The following BCL2 variants were observed in gnomAD, a reference collection of about 807,000 sequenced individuals.
BCL2 encodes the protein apoptosis regulator Bcl-2.
BCL2 carries 1 observed loss-of-function variant against 14.2 expected under a neutral mutation model. That is an observed-to-expected ratio of 0.07 (90% CI 0.02 to 0.33). The LOEUF is 0.33. Ranked by LOEUF, BCL2 falls within the 10% of genes least tolerant of loss-of-function variation. The pLI is 0.99. For missense variants in BCL2, 247 were observed against 305.9 expected (o/e 0.81, Z 1.44); for synonymous variants, 151 against 137.2 (o/e 1.10, Z -0.70).
At chr18:63,319,035 C>A in intron 1 of BCL2, 83 bp from the exon 2 acceptor site, 1 of 1,128,168 alleles carries the variant, frequency 8.9e-7, no homozygotes. Flanking sequence ...GCAGGGCATA[C>A]ACACTACAAG....
chr18:63,163,705 C>A (rs1830603687), intron 2 of BCL2, among the ~76,000 whole-genome samples: 1 of 152,210 alleles, frequency 6.6e-6, no homozygotes, highest in Non-Finnish European at 1.5e-5. Context: ...TGTACAAGCA[C>A]TGATCTAAGC....
chr18:63,221,307 T>C (rs576006816), intron 2 of BCL2, among the ~76,000 whole-genome samples: 1 of 152,256 alleles, frequency 6.6e-6, no homozygotes, highest in Admixed American at 6.5e-5. Context: ...CAAAATTAGA[T>C]GTGAGTGTTC....
intron 2 of BCL2, among the ~76,000 whole-genome samples, chr18:63,163,749 A>G (rs1207930449): frequency 6.6e-6 from 1 of 152,248 alleles, no homozygotes; most frequent in Non-Finnish European, 1.5e-5. Flanking sequence ...TAAACTTCAT[A>G]GTGACTTTAA....
Position 63,155,089 on chromosome 18 carries a change from A to G in BCL2, c.586-26330T>C, listed in dbSNP as rs1200328919. On this transcript the variant is annotated intron_variant, in intron 2 of 2. Coordinates refer to ENST00000333681, the MANE Select transcript of BCL2 (RefSeq NM_000633.3). ...TCTCTGAGCCTCAACTTATTCATCT[A>G]TAAGAATAAGAGGACGCTACAACAT... Among the ~76,000 whole-genome samples the G allele has an allele frequency of 2.6e-5, 4 of 152,218 alleles. No homozygotes were observed. The East Asian group carries it at 5.8e-4, about 22-fold the overall frequency.
intron 2 of BCL2, among the ~76,000 whole-genome samples, chr18:63,268,397 G>C (rs1490343576): frequency 6.6e-6 from 1 of 152,222 alleles, no homozygotes; most frequent in Non-Finnish European, 1.5e-5. Context: ...GTTTAGGCAA[G>C]ATTTCTGGAA....
intron 2 of BCL2, among the ~76,000 whole-genome samples, chr18:63,269,301 T>C (rs2144237000): frequency 6.6e-6 from 1 of 152,270 alleles, no homozygotes; most frequent in South Asian, 2.1e-4. Flanking sequence ...TTTTAAAATA[T>C]GACATGGAAA....
intron 2 of BCL2, among the ~76,000 whole-genome samples, chr18:63,212,306 C>T (rs753100811): frequency 3.1e-4 from 47 of 151,574 alleles, no homozygotes; most frequent in South Asian, 1.5e-3. Context: ...CCAGCCTGGG[C>T]GACAGAGCGA....
chr18:63,237,859 ATTTTAAATAGTTTT>A (rs1309177023), intron 2 of BCL2, among the ~76,000 whole-genome samples: 1 of 152,230 alleles, frequency 6.6e-6, no homozygotes, highest in Non-Finnish European at 1.5e-5. Context: ...TTGGTAATTG[ATTTTAAATAGTTTT>A]TTTTAAAAGA....
chr18:63,153,800 T>C (rs1914709932), intron 2 of BCL2, among the ~76,000 whole-genome samples: 1 of 152,158 alleles, frequency 6.6e-6, no homozygotes, highest in Admixed American at 6.5e-5. Flanking sequence ...TACACAGACC[T>C]GGCCACTCCA....
chr18:63,169,359 TTCTTTCTTTC>T lies in BCL2; in HGVS notation c.586-40610_586-40601del, dbSNP rs1345255036. 1.9e-3 allele frequency among the ~76,000 whole-genome samples: 121 copies of T among 64,958 alleles called. 9 individuals carry two copies. In the Middle Eastern group the frequency reaches 0.023, roughly 12 times the overall value. 42.6% of individuals were successfully genotyped at this position (64,958 alleles called of 152,430 possible). A position where few individuals can be genotyped will look rare whatever the true frequency, so the allele number is the denominator to read the frequency against. On this transcript the variant is annotated intron_variant, in intron 2 of 2. Transcript: ENST00000333681. ...TTCCTTTCTTTCTTTCTTTCTTTCT[TTCTTTCTTTC>T]TCTTTCTTTCTTTCTTTCTTTTTCT...
chr18:63,209,536 C>A (rs980294405), intron 2 of BCL2, among the ~76,000 whole-genome samples: 1 of 152,076 alleles, frequency 6.6e-6, no homozygotes, highest in African/African-American at 2.4e-5. Context: ...AATCCTCAAC[C>A]CAATACACTG....
chr18:63,241,461 C>T (rs893955188), intron 2 of BCL2, among the ~76,000 whole-genome samples: 3 of 152,120 alleles, frequency 2.0e-5, no homozygotes, highest in East Asian at 1.9e-4. Flanking sequence ...TTGCCATTTA[C>T]GTCATCATGA....
chr18:63,147,907 GA>G (rs551320455), intron 2 of BCL2, among the ~76,000 whole-genome samples: 422 of 152,266 alleles, frequency 2.8e-3, no homozygotes, highest in Non-Finnish European at 4.6e-3. Context: ...GCCCCCAGGA[GA>G]TATTTCTTGT....
intron 2 of BCL2, among the ~76,000 whole-genome samples, chr18:63,243,298 TG>T (rs1911063565): frequency 6.6e-6 from 1 of 152,106 alleles, no homozygotes; most frequent in Non-Finnish European, 1.5e-5. Context: ...TACTTATTAG[TG>T]GGAGCTAACT....
intron 2 of BCL2, among the ~76,000 whole-genome samples, chr18:63,237,400 T>C (rs1336863614): frequency 6.6e-6 from 1 of 152,226 alleles, no homozygotes; most frequent in East Asian, 1.9e-4. Flanking sequence ...GAATCTCCTC[T>C]TGAGATCTTT....
chr18:63,250,662 T>C (rs1911284957), intron 2 of BCL2, among the ~76,000 whole-genome samples: 1 of 152,260 alleles, frequency 6.6e-6, no homozygotes, highest in African/African-American at 2.4e-5. Context: ...TTTGCATCTT[T>C]TGAGGTACTT....
rs1204306091 is a variant in BCL2, at chr18:63,124,139, A to G, written c.*4486T>C. The G allele has an allele frequency of 4.5e-6, 1 of 222,156 alleles. No homozygotes were observed. The highest frequency in any genetic ancestry group is 9.0e-6 in the Non-Finnish European group (1 of 111,054). 13.8% of individuals were successfully genotyped at this position (222,156 alleles called of 1,614,324 possible). On this transcript the variant is annotated 3_prime_UTR_variant, in exon 3 of 3. Transcript: ENST00000333681. ...TGATTGTCCAAGGTCATGGTTGTCC[A>G]AAGACATGGAACAGAATGATTCACT...
At chr18:63,188,522 G>A (rs1033164039) in intron 2 of BCL2, among the ~76,000 whole-genome samples, 6 of 152,108 alleles carry the variant, frequency 3.9e-5, no homozygotes, top group African/African-American at 1.4e-4. Context: ...AAACTGAATT[G>A]GAGTTTAATT....
At chr18:63,136,254 C>T (rs912995561) in intron 2 of BCL2, among the ~76,000 whole-genome samples, 3 of 152,188 alleles carry the variant, frequency 2.0e-5, no homozygotes, top group African/African-American at 7.2e-5. Flanking sequence ...CTCACTTTCT[C>T]CCCTAACTGG....
Sources: allele counts gnomAD v4.1 joint callset (sites outside exome capture counted in the v4.1 genomes callset), GRCh38; gene constraint gnomAD v4.1.1; transcripts MANE v1.5; gene names NCBI Gene and HGNC (gene_info 2026-07-23, HGNC 2026-07-21).